OPRM1: variants seen among roughly 807,000 people sequenced by gnomAD.
The protein encoded by OPRM1 is opioid receptor mu 1, also known as mu-type opioid receptor.
Under a neutral mutation model 31.8 loss-of-function variants are expected in OPRM1, and 27 were observed. The ratio of observed to expected loss-of-function variants is 0.85; its 90% CI spans 0.63 to 1.17. The LOEUF (loss-of-function observed/expected upper bound fraction) is 1.17. OPRM1 is among the 50% of genes most tolerant of loss of function. OPRM1 has a pLI of 0.00. For synonymous variants in OPRM1, 196 were observed against 189.9 expected (o/e 1.03, Z -0.26); for missense variants, 536 against 511.1 (o/e 1.05, Z -0.47).
intron 1 of OPRM1, among the ~76,000 whole-genome samples, chr6:154,019,416 A>G (rs1325377119): frequency 6.6e-6 from 1 of 152,138 alleles, no homozygotes; most frequent in Non-Finnish European, 1.5e-5. Flanking sequence ...CCCAAAGTCC[A>G]TAGTTTACAT....
chr6:154,193,124 C>A (rs755843393), intron 3 of OPRM1, among the ~76,000 whole-genome samples: 3 of 152,132 alleles, frequency 2.0e-5, no homozygotes, highest in African/African-American at 4.8e-5. Flanking sequence ...GCCCAGATGC[C>A]CATCAGTCAA....
chr6:154,028,915 A>T (rs1373233487), intron 1 of OPRM1, among the ~76,000 whole-genome samples: 1 of 152,164 alleles, frequency 6.6e-6, no homozygotes, highest in African/African-American at 2.4e-5. Flanking sequence ...TATGAACTTA[A>T]AACCAAGTGC....
chr6:154,098,118 C>A (rs1381306872), intron 3 of OPRM1, among the ~76,000 whole-genome samples: 2 of 152,156 alleles, frequency 1.3e-5, no homozygotes, highest in Admixed American at 6.5e-5. Flanking sequence ...TAGTGGCTAA[C>A]TATTGACTCC....
rs576571503 is a variant in OPRM1 at position 154,033,300 on chromosome 6, G to A, written c.1-5861G>A. 2.6e-3 allele frequency among the ~76,000 whole-genome samples: 389 copies of A among 152,274 alleles called. 4 individuals carry two copies. The highest frequency in any genetic ancestry group is 8.9e-3 in the African/African-American group (368 of 41,558). On this transcript the variant is annotated intron_variant, in intron 1 of 5. Transcript: ENST00000434900. ...TTTAAAGTGTGGAGGAGGAGAAAGGGAAGCTGTGAAAAACAGAGAGAAAGT... is the reference window on the plus strand; with the variant it reads ...TTTAAAGTGTGGAGGAGGAGAAAGGAAAGCTGTGAAAAACAGAGAGAAAGT...
At chr6:154,100,432 C>T (rs887199751) in intron 3 of OPRM1, among the ~76,000 whole-genome samples, 3 of 151,512 alleles carry the variant, frequency 2.0e-5, no homozygotes, top group Non-Finnish European at 4.4e-5. Flanking sequence ...TGTTGCTTTA[C>T]TGTGTATGAA....
chr6:154,039,219 A>G, upstream of OPRM1: 1 of 1,551,696 alleles, frequency 6.4e-7, no homozygotes, highest in Non-Finnish European at 8.7e-7. Flanking sequence ...CGCTTTGCGC[A>G]AAATCCACCC....
intron 3 of OPRM1, chr6:154,157,769 T>A (rs1798774719): frequency 6.6e-6 from 1 of 152,262 alleles, no homozygotes; most frequent in African/African-American, 2.4e-5. Context: ...GTTCCTTCAA[T>A]ACTCTTTACA....
Position 154,125,904 on chromosome 6 carries a change from G to A in OPRM1, c.*7183G>A, listed in dbSNP as rs1484387967. Reference sequence around the variant, plus strand: ...TGCAAGCTCCGCCTCCCGGGTTCACGCCATTCTCCTGCCTCAGCCTCCCAA... The same window carrying A: ...TGCAAGCTCCGCCTCCCGGGTTCACACCATTCTCCTGCCTCAGCCTCCCAA... On this transcript the variant is annotated 3_prime_UTR_variant, in exon 4 of 4. Coordinates refer to ENST00000330432, the MANE Select transcript of OPRM1 (RefSeq NM_000914.5). Among the ~76,000 whole-genome samples the A allele has an allele frequency of 2.7e-3, 35 of 12,778 alleles. 17 individuals are homozygous for A. The Admixed American group carries it at 0.043, about 16-fold the overall frequency. 8.4% of individuals were successfully genotyped at this position (12,778 alleles called of 152,430 possible). A position where few individuals can be genotyped will look rare whatever the true frequency, so the allele number is the denominator to read the frequency against.
chr6:154,147,271 C>T (rs1479852301), intron 3 of OPRM1, among the ~76,000 whole-genome samples: 2 of 152,190 alleles, frequency 1.3e-5, no homozygotes, highest in South Asian at 2.1e-4. Flanking sequence ...TTCTCTCGCT[C>T]ATGTTCTCTT....
chr6:154,199,167 G>A (rs1285967669), intron 3 of OPRM1, among the ~76,000 whole-genome samples: 1 of 152,186 alleles, frequency 6.6e-6, no homozygotes, highest in East Asian at 1.9e-4. Context: ...TGCACAAAGT[G>A]CATGCAAATT....
intron 3 of OPRM1, among the ~76,000 whole-genome samples, chr6:154,215,866 C>G (rs924469569): frequency 4.6e-5 from 7 of 151,860 alleles, no homozygotes; most frequent in Admixed American, 2.0e-4. Context: ...AGACAATATG[C>G]GAAAAAAATT....
At chr6:154,242,065 A>T (rs1048812923) in intron 3 of OPRM1, among the ~76,000 whole-genome samples, 8 of 152,240 alleles carry the variant, frequency 5.3e-5, no homozygotes, top group Non-Finnish European at 1.2e-4. Context: ...TGGGAATAAT[A>T]AAATCTATCT....
At position 154,119,081 on chromosome 6, in the gene OPRM1, C is replaced by A. The variant is rs1447376729; in HGVS notation, c.*360C>A. 1 of 1,022,136 alleles carries A rather than the reference C, an allele frequency of 9.8e-7. No homozygotes were observed. The highest frequency in any genetic ancestry group is 1.2e-6 in the Non-Finnish European group (1 of 853,618). 63.3% of individuals were successfully genotyped at this position (1,022,136 alleles called of 1,614,324 possible). A position where few individuals can be genotyped will look rare whatever the true frequency, so the allele number is the denominator to read the frequency against. On this transcript the variant is annotated 3_prime_UTR_variant, in exon 4 of 4. Coordinates refer to ENST00000330432, the MANE Select transcript of OPRM1 (RefSeq NM_000914.5). ...TATGACCTCAACAAAGAAGAACCAT[C>A]TTTTGTTAAGTTCACCGTAGTAACA...
intron 3 of OPRM1, among the ~76,000 whole-genome samples, chr6:154,096,990 A>G (rs1357895489): frequency 6.6e-6 from 1 of 152,222 alleles, no homozygotes; most frequent in African/African-American, 2.4e-5. Flanking sequence ...AAAGTAGCAC[A>G]TTTACTGTTT....
In OPRM1 at chr6:154,125,288, G is replaced by T. The variant is rs1797523067; in HGVS notation, c.*6567G>T. On this transcript the variant is annotated 3_prime_UTR_variant, in exon 4 of 4. Transcript: ENST00000330432. ...TGGTACCTGAATTTGCCTCTATCATGCATCTCAATGATTTGTTGTCATCCA... is the reference window on the plus strand; with the variant it reads ...TGGTACCTGAATTTGCCTCTATCATTCATCTCAATGATTTGTTGTCATCCA... Among the ~76,000 whole-genome samples the T allele has an allele frequency of 6.6e-6, 1 of 152,152 alleles. No homozygotes were observed. The highest frequency in any genetic ancestry group is 6.5e-5 in the Admixed American group (1 of 15,276).
chr6:154,032,952 T>G (rs1011606375), intron 1 of OPRM1, among the ~76,000 whole-genome samples: 4 of 152,196 alleles, frequency 2.6e-5, no homozygotes, highest in African/African-American at 9.6e-5. Flanking sequence ...AATCTGAAGC[T>G]TTAGAGAAAC....
intron 1 of OPRM1, chr6:154,086,610 G>C: frequency 1.0e-6 from 1 of 983,772 alleles, no homozygotes; most frequent in Non-Finnish European, 1.2e-6. Context: ...AGAAGGAAAT[G>C]ATTTTTTTTA....
At chr6:154,110,949 C>CCAT (rs1796299051) in intron 3 of OPRM1, among the ~76,000 whole-genome samples, 1 of 148,246 alleles carries the variant, frequency 6.7e-6, no homozygotes, top group African/African-American at 2.5e-5. Flanking sequence ...ACTGATTACA[C>CCAT]CATTCAGACT....
chr6:154,061,036 CAT>C (rs947830067), intron 1 of OPRM1, among the ~76,000 whole-genome samples: 65 of 152,214 alleles, frequency 4.3e-4, no homozygotes, highest in African/African-American at 1.5e-3. Context: ...TGAATTTAAA[CAT>C]ATTTAACAGT....
Sources: allele counts gnomAD v4.1 joint callset (sites outside exome capture counted in the v4.1 genomes callset), GRCh38; gene constraint gnomAD v4.1.1; transcripts MANE v1.5; gene names NCBI Gene and HGNC (gene_info 2026-07-23, HGNC 2026-07-21).